Variants in CDC25B observed in about 807,000 individuals in gnomAD.
CDC25B encodes the protein M-phase inducer phosphatase 2.
CDC25B carries 33 observed loss-of-function variants against 69.8 expected under a neutral mutation model. The ratio of observed to expected loss-of-function variants is 0.47; its 90% CI spans 0.36 to 0.63. CDC25B has a LOEUF of 0.63. CDC25B is among the 30% of genes least tolerant of loss of function. CDC25B has a pLI of 0.00. For missense variants in CDC25B, 727 were observed against 809.1 expected (o/e 0.90, Z 1.23); for synonymous variants, 341 against 314.6 (o/e 1.08, Z -0.89).
At chr20:3,788,249 A>C (rs1445244870) in intron 1 of CDC25B, among the ~76,000 whole-genome samples, 2 of 152,240 alleles carry the variant, frequency 1.3e-5, no homozygotes, top group African/African-American at 4.8e-5. Context: ...CAAAGGAAGA[A>C]AGTGTAACTC....
chr20:3,795,674 T>G (rs2089009861), upstream of CDC25B: 5 of 981,730 alleles, frequency 5.1e-6, no homozygotes, highest in Non-Finnish European at 4.8e-6. Context: ...AGCCCATCAG[T>G]TCCGCTTGGG....
intron 1 of CDC25B, among the ~76,000 whole-genome samples, chr20:3,790,217 G>A (rs997156576): frequency 6.6e-6 from 1 of 151,328 alleles, no homozygotes; most frequent in Non-Finnish European, 1.5e-5. Context: ...GCAGTGAGCC[G>A]AGATTACGGC....
rs1232117250 is a variant in CDC25B, at chr20:3,805,877, C to T, written c.*916C>T. ...CTTGCATACCCAAACCAGGTGGGAG[C>T]GTTTTGTTGAGCATGACAGCCTGCA... On this transcript the variant is annotated 3_prime_UTR_variant, in exon 16 of 16. Transcript: ENST00000245960. The T allele has an allele frequency of 2.2e-5, 9 of 403,790 alleles. No homozygotes were observed. The highest frequency in any genetic ancestry group is 2.2e-4 in the Admixed American group (5 of 22,760). The allele number at this position is 403,790 out of a possible 1,614,324, so 25.0% of individuals were successfully genotyped here.
Position 3,801,330 on chromosome 20 carries a change from C to T in CDC25B, c.782C>T (p.Ala261Val), listed in dbSNP as rs139531565. Residue 261 changes from alanine to valine, a missense_variant, in exon 8 of 16, where the codon GCA becomes GTA. By Grantham distance (64) the Ala-to-Val change is moderately conservative. This residue lies in a region of CDC25B where 359 missense variants were observed against 463.4 expected (regional missense o/e 0.77). Transcript: ENST00000245960. ...CTAGGTCGCTTCTCTCTGACCCCTG[C>T]AGAGGGGGATACTGAGGAAGATGAT... ...LALGRFSLTP[A>V]EGDTEEDDGF... The T allele has an allele frequency of 1.2e-6, 2 of 1,614,108 alleles. No individual in the cohort carries two copies. Among genetic ancestry groups the T allele is most frequent in the South Asian group, 1.1e-5 (1 of 91,078 alleles).
upstream of CDC25B, chr20:3,795,665 GC>G: frequency 1.0e-6 from 1 of 966,938 alleles, no homozygotes; most frequent in African/African-American, 1.8e-5. Flanking sequence ...CCGCGAAAGA[GC>G]CCATCAGTTC....
At chr20:3,802,485 T>A in intron 11 of CDC25B, 109 bp downstream of exon 11, 1 of 714,770 alleles carries the variant, frequency 1.4e-6, no homozygotes, top group Non-Finnish European at 2.4e-6. Flanking sequence ...GGAGCCCCCC[T>A]TTTCTTTGTC....
intron 1 of CDC25B, among the ~76,000 whole-genome samples, chr20:3,788,278 A>G (rs2088858864): frequency 6.6e-6 from 1 of 152,132 alleles, no homozygotes; most frequent in South Asian, 2.1e-4. Flanking sequence ...TTTAGTGCAA[A>G]TTTCTGTTTT....
chr20:3,800,796 G>A lies in CDC25B; in HGVS notation c.513G>A (p.Ala171=), dbSNP rs11552106. 33 of 1,612,454 alleles carry A rather than the reference G, an allele frequency of 2.0e-5. No homozygotes were observed. The highest frequency in any genetic ancestry group is 6.7e-5 in the Admixed American group (4 of 60,004). Residue 171 remains alanine, a synonymous_variant, in exon 6 of 16, where the codon GCG becomes GCA. Transcript: ENST00000245960. ...PVLRNITNSQ[A]PDGRRKSEAG... Reference sequence around the variant, plus strand: ...TTCGGAACATCACCAACTCCCAGGCGCCCGACGGCCGGAGGAAGAGCGAGG... The same window carrying A: ...TTCGGAACATCACCAACTCCCAGGCACCCGACGGCCGGAGGAAGAGCGAGG...
At position 3,796,750 on chromosome 20, in the gene CDC25B, G is replaced by A. The variant is rs764837430; in HGVS notation, c.200+19G>A. The A allele has an allele frequency of 1.2e-5, 19 of 1,551,118 alleles. No individual in the cohort carries two copies. The highest frequency in any genetic ancestry group is 4.2e-5 in the African/African-American group (3 of 71,974). Reference sequence around the variant, plus strand: ...TCGGCAGGTAGGACACCCCAAGGAGGCTGCATATGGGGGTGAGAGGCTAGG... The same window carrying A: ...TCGGCAGGTAGGACACCCCAAGGAGACTGCATATGGGGGTGAGAGGCTAGG... On this transcript the variant is annotated intron_variant, in intron 1 of 15. Transcript: ENST00000245960.
chr20:3,800,214 C>G, intron 3 of CDC25B, 74 bp from the exon 4 acceptor site: 1 of 1,462,600 alleles, frequency 6.8e-7, no homozygotes, highest in Non-Finnish European at 9.6e-7. Context: ...CCCCCCTGGA[C>G]TGGGGGCCTG....
At position 3,803,461 on chromosome 20, in the gene CDC25B, A is replaced by G. The variant is rs370128666; in HGVS notation, c.1414A>G (p.Ile472Val). 3.7e-6 allele frequency: 6 copies of G among 1,613,696 alleles called. No homozygotes were observed. The highest frequency in any genetic ancestry group is 2.2e-5 in the East Asian group (1 of 44,864). The change falls in exon 14 of 16, where the codon ATC becomes GTC. Residue 472 changes from isoleucine (I) to valine (V), a missense_variant. Ile to Val is a conservative substitution (Grantham distance 29). Transcript: ENST00000245960. The surrounding 1 kb of genome is among the most constrained non-coding windows in gnomAD (Gnocchi z 4.9). Reference sequence around the variant, plus strand: ...CGAGAGCTTCCTACTGAAGAGCCCCATCGCGCCCTGTAGCCTGGACAAGAG... The same window carrying G: ...CGAGAGCTTCCTACTGAAGAGCCCCGTCGCGCCCTGTAGCCTGGACAAGAG... Reference protein sequence around the residue: ...DAESFLLKSPIAPCSLDKRVI... With the variant: ...DAESFLLKSPVAPCSLDKRVI...
In CDC25B at chr20:3,797,734, G is replaced by C; in HGVS notation, c.313G>C (p.Glu105Gln). Reference protein sequence around the residue: ...SESSLSSESSESSDAGLCMDS... With the variant: ...SESSLSSESSQSSDAGLCMDS... Reference sequence around the variant, plus strand: ...ATCCTCCCTGTCGTCTGAATCCTCCGAATCTTCTGATGCAGGTGAGGCCCA... The same window carrying C: ...ATCCTCCCTGTCGTCTGAATCCTCCCAATCTTCTGATGCAGGTGAGGCCCA... Residue 105 changes from glutamate (E) to glutamine (Q), a missense_variant, in exon 2 of 16, where the codon GAA becomes CAA. This residue lies in a region of CDC25B where 368 missense variants were observed against 345.6 expected (regional missense o/e 1.06). Transcript: ENST00000245960. The C allele has an allele frequency of 1.2e-6, 2 of 1,614,010 alleles. No individual in the cohort carries two copies. The highest frequency in any genetic ancestry group is 1.7e-6 in the Non-Finnish European group (2 of 1,180,024).
intron 1 of CDC25B, among the ~76,000 whole-genome samples, chr20:3,790,035 C>T (rs974160724): frequency 4.6e-5 from 7 of 151,886 alleles, no homozygotes; most frequent in African/African-American, 1.7e-4. Context: ...GCCTGTAGTC[C>T]TAGCTCCTAG....
At chr20:3,789,229 T>C (rs1178239894) in intron 1 of CDC25B, among the ~76,000 whole-genome samples, 1 of 152,236 alleles carries the variant, frequency 6.6e-6, no homozygotes, top group Non-Finnish European at 1.5e-5. Flanking sequence ...CTCAGCAAGC[T>C]TTCCATTCTC....
At chr20:3,793,608 T>C (rs1289581300), upstream of CDC25B, among the ~76,000 whole-genome samples, 1 of 147,334 alleles carries the variant, frequency 6.8e-6, no homozygotes, top group Non-Finnish European at 1.5e-5. Flanking sequence ...TTTATTTTAT[T>C]ATTATTATAC....
At chr20:3,800,119 A>G (rs1487602977) in intron 3 of CDC25B, among the ~76,000 whole-genome samples, 169 bp from the exon 4 acceptor site, 1 of 151,820 alleles carries the variant, frequency 6.6e-6, no homozygotes, top group Non-Finnish European at 1.5e-5. Flanking sequence ...CCCCTCCCCA[A>G]TACCTGGGCC....
intron 1 of CDC25B, 27 bp downstream of exon 1, chr20:3,796,758 T>TG: frequency 6.5e-7 from 1 of 1,542,950 alleles, no homozygotes; most frequent in Non-Finnish European, 8.7e-7. Context: ...AGGCTGCATA[T>TG]GGGGGTGAGA....
intron 8 of CDC25B, 123 bp downstream of exon 8, chr20:3,801,511 G>A (rs2089283158): frequency 1.6e-6 from 2 of 1,284,346 alleles, no homozygotes; most frequent in Non-Finnish European, 2.2e-6. Context: ...AGAATCTGAG[G>A]TAACTGAGTC....
intron 2 of CDC25B, 82 bp downstream of exon 2, chr20:3,797,831 C>G: frequency 1.3e-6 from 2 of 1,537,112 alleles, no homozygotes; most frequent in South Asian, 1.1e-5. Context: ...ATTTCCCTGC[C>G]GATCAAACTA....
Sources: gnomAD v4.1 joint callset for allele counts (sites outside exome capture counted in the v4.1 genomes callset) on GRCh38, gnomAD v4.1.1 for gene constraint, gnomAD v4.1.1 regional missense constraint, Gnocchi (gnomAD v3.1) non-coding constraint, MANE v1.5 for transcripts, NCBI Gene and HGNC (gene_info 2026-07-23, HGNC 2026-07-21) for gene names.